The following CYP19A1 variants were observed in gnomAD, a reference collection of about 807,000 sequenced individuals.
CYP19A1 encodes aromatase.
Under a neutral mutation model 44.4 loss-of-function variants are expected in CYP19A1, and 32 were observed. The ratio of observed to expected loss-of-function variants is 0.72; its 90% CI spans 0.54 to 0.97. CYP19A1 has a LOEUF of 0.97. CYP19A1 is among the 50% of genes least tolerant of loss of function. CYP19A1 has a pLI of 0.00. For synonymous variants in CYP19A1, 212 were observed against 215.6 expected, an observed-to-expected ratio of 0.98 and a Z score of 0.14; for missense variants, 598 against 637.8, an observed-to-expected ratio of 0.94 and a Z score of 0.67.
intron 1 of CYP19A1, among the ~76,000 whole-genome samples, chr15:51,272,204 C>T (rs1271883745): frequency 6.6e-6 from 1 of 152,170 alleles, no homozygotes; most frequent in Non-Finnish European, 1.5e-5. Flanking sequence ...TTTTCCTATC[C>T]TCGTATTTCT....
At chr15:51,236,700 G>C (rs576692954) in intron 3 of CYP19A1, among the ~76,000 whole-genome samples, 159 bp downstream of exon 3, 21 of 152,248 alleles carry the variant, frequency 1.4e-4, no homozygotes, top group African/African-American at 5.1e-4. Flanking sequence ...CAATTATTCT[G>C]TTTGCAATGT....
rs1303104011 is a variant in CYP19A1, at chr15:51,222,495, A to G, written c.482T>C (p.Val161Ala). 2 of 1,613,962 alleles carry G rather than the reference A, an allele frequency of 1.2e-6. No homozygotes were observed. Among genetic ancestry groups the G allele is most frequent in the Non-Finnish European group, 1.7e-6 (2 of 1,179,982 alleles). The change falls in exon 5 of 10, where the codon GTC becomes GCC. Residue 161 changes from valine to alanine, a missense_variant. Coordinates refer to ENST00000396402, the MANE Select transcript of CYP19A1 (RefSeq NM_000103.4). The part of the protein sequence containing the change: ...ALSGPGLVRM[V>A]TVCAESLKTH... ...TTTGAGGGATTCAGCACAGACTGTG[A>G]CCATACGAACAAGGCCGGGGCCTGA...
chr15:51,309,431 C>A (rs79261512), intron 1 of CYP19A1, among the ~76,000 whole-genome samples: 12,571 of 152,164 alleles, frequency 0.083, 738 homozygotes, highest in South Asian at 0.21. Context: ...ATCTCCTTGG[C>A]AGATGGCCCC....
In CYP19A1 at chr15:51,236,889, A is replaced by G; in HGVS notation, c.266T>C (p.Ile89Thr). Residue 89 changes from isoleucine (I) to threonine (T), a missense_variant, in exon 3 of 10, where the codon ATC becomes ACC. Ile to Thr is a moderately conservative substitution (Grantham distance 89). Coordinates refer to ENST00000396402, the MANE Select transcript of CYP19A1 (RefSeq NM_000103.4). ...GATAATGAGTGTTTCCTCTCCAGAG[A>G]TCCAGACTCGCATGAATTCTCCATA... ...RVYGEFMRVW[I>T]SGEETLIISK... The G allele has an allele frequency of 6.2e-7, 1 of 1,614,200 alleles. No individual in the cohort carries two copies. The highest frequency in any genetic ancestry group is 1.3e-5 in the African/African-American group (1 of 75,052).
intron 1 of CYP19A1, among the ~76,000 whole-genome samples, chr15:51,288,401 C>T (rs1367921278): frequency 1.3e-5 from 2 of 152,226 alleles, no homozygotes; most frequent in Non-Finnish European, 2.9e-5. Flanking sequence ...ACAGCTGCTA[C>T]TTGAGTCACA....
At chr15:51,335,494 A>C (rs2036762464) in intron 1 of CYP19A1, among the ~76,000 whole-genome samples, 1 of 152,170 alleles carries the variant, frequency 6.6e-6, no homozygotes, top group Non-Finnish European at 1.5e-5. Flanking sequence ...AAAAACCCCT[A>C]CTAGTATCAA....
Position 51,297,868 on chromosome 15 carries a change from A to ACACACACACACC in CYP19A1, c.-39+40626_-39+40627insGGTGTGTGTGTG, listed in dbSNP as rs1173662173. On this transcript the variant is annotated intron_variant, in intron 1 of 9. Coordinates refer to ENST00000396402, the MANE Select transcript of CYP19A1 (RefSeq NM_000103.4). ...CACACACACACACACACACACACAC[A>ACACACACACACC]CCCTAGGCCTGATGGGGGCCTAACA... is the stretch of plus-strand genomic sequence containing the variant. 2.0e-4 allele frequency among the ~76,000 whole-genome samples: 29 copies of ACACACACACACC among 146,794 alleles called. No individual in the cohort carries two copies. In the East Asian group the frequency reaches 2.4e-3, roughly 12 times the overall value.
At chr15:51,288,584 G>T (rs1175686173) in intron 1 of CYP19A1, among the ~76,000 whole-genome samples, 1 of 152,150 alleles carries the variant, frequency 6.6e-6, no homozygotes, top group Non-Finnish European at 1.5e-5. Context: ...CCACTACAGA[G>T]AAACTCTCCT....
chr15:51,301,412 C>T (rs974964867), intron 1 of CYP19A1, among the ~76,000 whole-genome samples: 1 of 152,250 alleles, frequency 6.6e-6, no homozygotes, highest in Non-Finnish European at 1.5e-5. Context: ...GGCTTCATCT[C>T]ATTTGGGATG....
chr15:51,262,290 A>C (rs947013483), intron 1 of CYP19A1, among the ~76,000 whole-genome samples: 3 of 152,186 alleles, frequency 2.0e-5, no homozygotes, highest in Non-Finnish European at 4.4e-5. Context: ...GCTGTCAATA[A>C]ATATGTGGGT....
intron 6 of CYP19A1, among the ~76,000 whole-genome samples, chr15:51,217,514 G>T (rs2031686869): frequency 6.6e-6 from 1 of 152,162 alleles, no homozygotes; most frequent in Admixed American, 6.5e-5. Context: ...TCAACCATGA[G>T]AGAATAAACA....
chr15:51,320,847 A>G (rs2036514975), intron 1 of CYP19A1: 2 of 152,244 alleles, frequency 1.3e-5, no homozygotes, highest in Admixed American at 6.5e-5. Flanking sequence ...CATATTCTAA[A>G]TGAAATTATT....
At position 51,210,838 on chromosome 15, in the gene CYP19A1, T is replaced by G. The variant is rs550189974; in HGVS notation, c.1482A>C (p.Pro494=). Residue 494 remains proline, a synonymous_variant, in exon 10 of 10, where the codon CCA becomes CCC. Coordinates refer to ENST00000396402, the MANE Select transcript of CYP19A1 (RefSeq NM_000103.4). ...GTTCCAGACACCTGTCTGAGTTTCT[T>G]GGGGTAAAGATCATTTCCAGCATGT... ...TKNMLEMIFT[P]RNSDRCLEH is the part of the protein sequence containing the mutation. The G allele has an allele frequency of 6.3e-7, 1 of 1,598,044 alleles. No homozygotes were observed. The highest frequency in any genetic ancestry group is 1.1e-5 in the South Asian group (1 of 90,774).
chr15:51,242,926 A>G lies in CYP19A1; in HGVS notation c.-14T>C, dbSNP rs199583201. 6.3e-7 allele frequency: 1 copy of G among 1,598,534 alleles called. No homozygotes were observed. Among genetic ancestry groups the G allele is most frequent in the Non-Finnish European group, 8.6e-7 (1 of 1,166,016 alleles). On this transcript the variant is annotated 5_prime_UTR_variant, in exon 2 of 10. Transcript: ENST00000396402. ...TTCCAAAACCATCTTGTGTTCCTTGACCTCAGAGGGGGCAATTTAGAGTCC... is the reference window on the plus strand; with the variant it reads ...TTCCAAAACCATCTTGTGTTCCTTGGCCTCAGAGGGGGCAATTTAGAGTCC...
In CYP19A1 at chr15:51,222,388, C is replaced by T; in HGVS notation, c.589G>A (p.Asp197Asn). The change falls in exon 5 of 10, where the codon GAC (aspartate) becomes AAC (asparagine). Residue 197 changes from aspartate to asparagine, a missense_variant. Asp to Asn is a conservative substitution (Grantham distance 23, BLOSUM62 1). Transcript: ENST00000396402. ...VLTLLRRVMLDTSNTLFLRIP... is the reference protein window; with the variant it reads ...VLTLLRRVMLNTSNTLFLRIP... ...CTCAAGAAGAGCGTGTTAGAGGTGTCCAGCATGACACGACGCAGAAGGGTC... is the reference window on the plus strand; with the variant it reads ...CTCAAGAAGAGCGTGTTAGAGGTGTTCAGCATGACACGACGCAGAAGGGTC... 4.3e-6 allele frequency: 7 copies of T among 1,614,108 alleles called. No homozygotes were observed. Among genetic ancestry groups the T allele is most frequent in the Non-Finnish European group, 5.9e-6 (7 of 1,180,018 alleles).
Position 51,210,581 on chromosome 15 carries a change from T to G in CYP19A1, c.*227A>C. The G allele has an allele frequency of 1.5e-6, 1 of 673,214 alleles. No individual in the cohort carries two copies. Among genetic ancestry groups the G allele is most frequent in the Non-Finnish European group, 2.7e-6 (1 of 363,974 alleles). The allele number at this position is 673,214 out of a possible 1,614,324, so 41.7% of individuals were successfully genotyped here. On this transcript the variant is annotated 3_prime_UTR_variant, in exon 10 of 10. Coordinates refer to ENST00000396402, the MANE Select transcript of CYP19A1 (RefSeq NM_000103.4). ...GGTTTCTTCACCGACTATTTCTCCCTCAAACTCTTGGCCTCTGCTTTTTCT... is the reference window on the plus strand; with the variant it reads ...GGTTTCTTCACCGACTATTTCTCCCGCAAACTCTTGGCCTCTGCTTTTTCT...
chr15:51,314,059 G>A (rs976048022), intron 1 of CYP19A1: 8 of 151,454 alleles, frequency 5.3e-5, no homozygotes, highest in African/African-American at 1.7e-4. Flanking sequence ...ATTACCCAAC[G>A]TCTCTGAGTC....
intron 1 of CYP19A1, among the ~76,000 whole-genome samples, chr15:51,264,229 G>A (rs933071329): frequency 1.3e-5 from 2 of 152,178 alleles, no homozygotes; most frequent in African/African-American, 4.8e-5. Context: ...TTCTGATGAT[G>A]ACAGGTTCAC....
chr15:51,292,191 C>T (rs2035863026), intron 1 of CYP19A1, among the ~76,000 whole-genome samples: 1 of 152,240 alleles, frequency 6.6e-6, no homozygotes, highest in Non-Finnish European at 1.5e-5. Flanking sequence ...CAGGCAGAGT[C>T]ACTCGGCTCT....
Sources: allele counts gnomAD v4.1 joint callset (sites outside exome capture counted in the v4.1 genomes callset), GRCh38; gene constraint gnomAD v4.1.1; transcripts MANE v1.5; gene names NCBI Gene and HGNC (gene_info 2026-07-23, HGNC 2026-07-21).